KIAA0232: variants seen among roughly 807,000 people sequenced by gnomAD.
KIAA0232 encodes uncharacterized protein KIAA0232.
In KIAA0232, 27 loss-of-function variants were observed where a neutral mutation model predicts 122.0. That is an observed-to-expected ratio of 0.22 (90% CI 0.16 to 0.31). The LOEUF (loss-of-function observed/expected upper bound fraction) is 0.31. Ranked by LOEUF, KIAA0232 falls within the 10% of genes least tolerant of loss-of-function variation. The pLI, the probability that KIAA0232 is intolerant of heterozygous loss-of-function variation, is 1.00. For missense variants in KIAA0232, 1,551 were observed against 1,634.2 expected, an observed-to-expected ratio of 0.95 and a Z score of 0.88; for synonymous variants, 613 against 587.6, an observed-to-expected ratio of 1.04 and a Z score of -0.63.
intron 1 of KIAA0232, among the ~76,000 whole-genome samples, chr4:6,797,829 T>TG (rs1190034378): frequency 6.7e-6 from 1 of 149,534 alleles, no homozygotes; most frequent in East Asian, 2.0e-4. Flanking sequence ...CCCAGCACCT[T>TG]GGGAGGCCGA....
intron 2 of KIAA0232, among the ~76,000 whole-genome samples, chr4:6,805,865 T>A (rs543180956): frequency 6.6e-6 from 1 of 152,170 alleles, no homozygotes; most frequent in East Asian, 1.9e-4. Flanking sequence ...ATGTTTCCAT[T>A]TTTCCTAATT....
intron 1 of KIAA0232, among the ~76,000 whole-genome samples, chr4:6,801,682 A>C (rs936102310): frequency 1.1e-4 from 17 of 152,122 alleles, no homozygotes; most frequent in African/African-American, 3.9e-4. Context: ...AAAAGGAAAA[A>C]AAAAAAAGAG....
At position 6,860,910 on chromosome 4, in the gene KIAA0232, A is replaced by G. The variant is rs1720816177; in HGVS notation, c.528A>G (p.Glu176=). ...TTACTCTGTTTTTCAGGTACTATGA[A>G]GCATTTCCACCACTTTCTGAGAAAC... ...PAKDQVEMYY[E]AFPPLSEKPV... Residue 176 remains glutamate (E), a synonymous_variant, in exon 7 of 10, where the codon GAA becomes GAG. Coordinates refer to ENST00000307659, the MANE Select transcript of KIAA0232 (RefSeq NM_014743.3). 2 of 1,613,090 alleles carry G rather than the reference A, an allele frequency of 1.2e-6. No individual in the cohort carries two copies. Among genetic ancestry groups the G allele is most frequent in the Non-Finnish European group, 1.7e-6 (2 of 1,179,420 alleles).
chr4:6,824,750 C>A, intron 3 of KIAA0232, 66 bp downstream of exon 3: 1 of 1,354,512 alleles, frequency 7.4e-7, no homozygotes, highest in Non-Finnish European at 1.0e-6. Context: ...TCCTCTTAAA[C>A]AAGCACTTTT....
At chr4:6,811,296 G>A (rs1717865240) in intron 2 of KIAA0232, among the ~76,000 whole-genome samples, 1 of 152,104 alleles carries the variant, frequency 6.6e-6, no homozygotes, top group Non-Finnish European at 1.5e-5. Context: ...GAGTGAAATC[G>A]TGTCTTTTGC....
rs777574922 is a variant in KIAA0232, at chr4:6,863,375, A to G, written c.2993A>G (p.Gln998Arg). 6.8e-6 allele frequency: 11 copies of G among 1,614,112 alleles called. No individual in the cohort carries two copies. The Admixed American group carries it at 1.8e-4, about 27-fold the overall frequency. Residue 998 changes from glutamine (Q) to arginine (R), a missense_variant, in exon 7 of 10, where the codon CAG becomes CGG. Gln to Arg is a conservative substitution (Grantham distance 43). This residue lies in a region of KIAA0232 where 1,108 missense variants were observed against 1,154.8 expected (regional missense o/e 0.96). Transcript: ENST00000307659. The stretch of plus-strand genomic sequence containing the variant: ...TGGAAACCCTTCGTGTCATTTGAAC[A>G]GAATGATCAGCCGAAGAGTGGGGAA... ...QLWKPFVSFE[Q>R]NDQPKSGENG...
intron 2 of KIAA0232, among the ~76,000 whole-genome samples, chr4:6,810,152 G>A (rs1250543147): frequency 6.6e-6 from 1 of 152,122 alleles, no homozygotes; most frequent in Non-Finnish European, 1.5e-5. Flanking sequence ...AAAGCTGGGG[G>A]TATCACATTA....
At chr4:6,867,789 G>A (rs1317463373) in intron 7 of KIAA0232, among the ~76,000 whole-genome samples, 1 of 152,176 alleles carries the variant, frequency 6.6e-6, no homozygotes, top group Non-Finnish European at 1.5e-5. Context: ...GACCTCATGC[G>A]GTAGGTTATT....
At chr4:6,811,408 A>G (rs1045545553) in intron 2 of KIAA0232, among the ~76,000 whole-genome samples, 2 of 152,178 alleles carry the variant, frequency 1.3e-5, no homozygotes, top group Non-Finnish European at 2.9e-5. Context: ...TATGCAGTCT[A>G]TGCATGTTAA....
intron 2 of KIAA0232, among the ~76,000 whole-genome samples, chr4:6,816,639 ATGATT>A (rs1379605674): frequency 6.6e-6 from 1 of 152,100 alleles, no homozygotes; most frequent in Non-Finnish European, 1.5e-5. Context: ...TCTTCATAAC[ATGATT>A]TGAGAAGTAT....
chr4:6,823,637 GTTATAC>G (rs1173642636), intron 2 of KIAA0232, among the ~76,000 whole-genome samples: 2 of 150,834 alleles, frequency 1.3e-5, no homozygotes, highest in African/African-American at 4.9e-5. Flanking sequence ...ACTTATTTCC[GTTATAC>G]TTAGATATGA....
chr4:6,842,295 G>A, intron 4 of KIAA0232, 91 bp downstream of exon 4: 3 of 1,230,722 alleles, frequency 2.4e-6, no homozygotes, highest in South Asian at 1.4e-5. Flanking sequence ...CCAAAAACTG[G>A]GAAAACAAAG....
At position 6,804,626 on chromosome 4, in the gene KIAA0232, T is replaced by C. The variant is rs1311662943; in HGVS notation, c.-270+20T>C. 1 of 152,142 alleles carries C rather than the reference T, an allele frequency of 6.6e-6. No homozygotes were observed. The highest frequency in any genetic ancestry group is 1.9e-4 in the East Asian group (1 of 5,208). 9.4% of individuals were successfully genotyped at this position (152,142 alleles called of 1,614,324 possible). A position where few individuals can be genotyped will look rare whatever the true frequency, so the allele number is the denominator to read the frequency against. On this transcript the variant is annotated intron_variant, in intron 2 of 9. Transcript: ENST00000307659. ...CAACCAGTAAGTCCCTAAGTGTATG[T>C]GGGAAATGGGAAAATGTGGAAGTTT...
chr4:6,826,084 G>C (rs934748734), intron 3 of KIAA0232, among the ~76,000 whole-genome samples: 2 of 152,082 alleles, frequency 1.3e-5, no homozygotes, highest in Non-Finnish European at 2.9e-5. Context: ...CAAAGTGCTG[G>C]CATTACAGAT....
Position 6,863,928 on chromosome 4 carries a change from T to G in KIAA0232, c.3546T>G (p.Ser1182=), listed in dbSNP as rs377079184. The change falls in exon 7 of 10, where the codon TCT becomes TCG. Residue 1182 remains serine, a synonymous_variant. Coordinates refer to ENST00000307659, the MANE Select transcript of KIAA0232 (RefSeq NM_014743.3). The part of the protein sequence containing the change: ...SGKFLPRLKK[S]GMEKSAQTSL... ...AATTCCTTCCCAGGTTAAAAAAATC[T>G]GGGATGGAAAAGAGTGCTCAGACAT... 49 of 1,613,844 alleles carry G rather than the reference T, an allele frequency of 3.0e-5. No individual in the cohort carries two copies. The highest frequency in any genetic ancestry group is 4.1e-5 in the Non-Finnish European group (48 of 1,180,000).
intron 7 of KIAA0232, among the ~76,000 whole-genome samples, chr4:6,870,680 T>C (rs1721429490): frequency 6.6e-6 from 1 of 152,028 alleles, no homozygotes; most frequent in South Asian, 2.1e-4. Flanking sequence ...TACATGCCTG[T>C]AGTCCCAGCT....
At chr4:6,800,043 CTTTTTTT>C (rs752428517) in intron 1 of KIAA0232, among the ~76,000 whole-genome samples, 25 of 60,076 alleles carry the variant, frequency 4.2e-4, no homozygotes, top group Non-Finnish European at 7.1e-4. Flanking sequence ...TTCTTTCTTT[CTTTTTTT>C]TTTTTTTTTT....
In KIAA0232 at chr4:6,825,261, A is replaced by G. The variant is rs533115648; in HGVS notation, c.231+577A>G. On this transcript the variant is annotated intron_variant, in intron 3 of 9. Transcript: ENST00000307659. ...TGACTTTGCCGCTGAGTTTATAGTG[A>G]GAAATTGGGCTGGGTGTGGTGGTTC... Among the ~76,000 whole-genome samples the G allele has an allele frequency of 5.9e-5, 9 of 152,276 alleles. No individual in the cohort carries two copies. The South Asian group carries it at 1.9e-3, about 32-fold the overall frequency.
chr4:6,868,386 G>A (rs1721296251), intron 7 of KIAA0232, among the ~76,000 whole-genome samples: 1 of 152,202 alleles, frequency 6.6e-6, no homozygotes, highest in African/African-American at 2.4e-5. Flanking sequence ...TTGGGGAGCT[G>A]ACAATAAACA....
Sources: gnomAD v4.1 joint callset for allele counts (sites outside exome capture counted in the v4.1 genomes callset) on GRCh38, gnomAD v4.1.1 for gene constraint, gnomAD v4.1.1 regional missense constraint, MANE v1.5 for transcripts, NCBI Gene and HGNC (gene_info 2026-07-23, HGNC 2026-07-21) for gene names.